Variants in CLASP1 observed in about 807,000 individuals in gnomAD.
The protein encoded by CLASP1 is CLIP-associating protein 1.
CLASP1 carries 38 observed loss-of-function variants against 192.3 expected under a neutral mutation model. The observed-to-expected ratio is 0.20, with a 90% CI of 0.15 to 0.26. CLASP1 has a LOEUF of 0.26. Among genes scored for constraint, CLASP1 ranks in the 10% least tolerant of loss-of-function variants. The pLI is 1.00. For synonymous variants in CLASP1, 691 were observed against 712.8 expected, an observed-to-expected ratio of 0.97 and a Z score of 0.49; for missense variants, 1,433 against 1,932.5, an observed-to-expected ratio of 0.74 and a Z score of 4.85.
chr2:121,594,133 T>C (rs2062808501), intron 2 of CLASP1, among the ~76,000 whole-genome samples: 1 of 151,322 alleles, frequency 6.6e-6, no homozygotes, highest in African/African-American at 2.4e-5. Flanking sequence ...ACCCCGTCTC[T>C]ACTAAAAATA....
At chr2:121,424,306 T>C (rs1159883894) in intron 22 of CLASP1, among the ~76,000 whole-genome samples, 1 of 152,220 alleles carries the variant, frequency 6.6e-6, no homozygotes, top group Non-Finnish European at 1.5e-5. Context: ...TTCTCAGGTC[T>C]AACAAAGTGC....
At chr2:121,544,972 T>C (rs1304902725) in intron 2 of CLASP1, among the ~76,000 whole-genome samples, 2 of 151,236 alleles carry the variant, frequency 1.3e-5, no homozygotes, top group African/African-American at 4.9e-5. Context: ...AGTGTAGTGA[T>C]GGGATCTTGG....
At chr2:121,457,906 C>T (rs2087032841) in intron 13 of CLASP1, 149 bp from the exon 14 acceptor site, 1 of 585,250 alleles carries the variant, frequency 1.7e-6, no homozygotes, top group Non-Finnish European at 3.0e-6. Context: ...AAAGAATTCA[C>T]AGGATATTGT....
At chr2:121,395,533 G>C (rs558272722) in intron 30 of CLASP1, among the ~76,000 whole-genome samples, 1 of 152,252 alleles carries the variant, frequency 6.6e-6, no homozygotes, top group South Asian at 2.1e-4. Context: ...CTCTGCTTCA[G>C]ACATATCAGT....
Position 121,627,041 on chromosome 2 carries a change from C to A in CLASP1, c.-285-20861G>T, listed in dbSNP as rs568778157. Among the ~76,000 whole-genome samples, 973 of 141,882 alleles carry A rather than the reference C, an allele frequency of 6.9e-3. 17 individuals carry two copies. Among genetic ancestry groups the A allele is most frequent in the African/African-American group, 0.028 (941 of 33,536 alleles). 93.1% of individuals were successfully genotyped at this position (141,882 alleles called of 152,430 possible). A position where few individuals can be genotyped will look rare whatever the true frequency, so the allele number is the denominator to read the frequency against. On this transcript the variant is annotated intron_variant, in intron 1 of 39. Coordinates refer to ENST00000263710, the Ensembl canonical transcript of CLASP1. ...AAGCAGCCTTAGGAGAGTAATTCAG[C>A]AACATTTAGTTCAGAGAGTTCAGTA...
intron 2 of CLASP1, among the ~76,000 whole-genome samples, chr2:121,586,858 G>A (rs1167600360): frequency 1.3e-5 from 2 of 152,160 alleles, no homozygotes; most frequent in African/African-American, 4.8e-5. Context: ...CAGCTGCTCT[G>A]AGCATACTTT....
rs117910723 is a variant in CLASP1 at position 121,345,847 on chromosome 2, G to A, written c.4530+1191C>T. On this transcript the variant is annotated intron_variant, in intron 39 of 39. Coordinates refer to ENST00000263710, the Ensembl canonical transcript of CLASP1. ...GCATCTGGCCAGGTGTGAGACAGCA[G>A]TGATGGGTGCTATTGGCACATGTCG... is the stretch of plus-strand genomic sequence containing the variant. 2.2e-4 allele frequency among the ~76,000 whole-genome samples: 33 copies of A among 152,358 alleles called. No individual in the cohort carries two copies. The East Asian group carries it at 6.2e-3, about 29-fold the overall frequency.
intron 33 of CLASP1, among the ~76,000 whole-genome samples, chr2:121,379,780 C>A (rs1382678302): frequency 6.6e-6 from 1 of 152,140 alleles, no homozygotes. Flanking sequence ...TCAGATAATT[C>A]ATCTCATTAT....
At chr2:121,366,412 A>C (rs1241048690) in intron 35 of CLASP1, among the ~76,000 whole-genome samples, 1 of 152,198 alleles carries the variant, frequency 6.6e-6, no homozygotes, top group Non-Finnish European at 1.5e-5. Flanking sequence ...TAATCCCTAC[A>C]GCCATTTCTG....
At chr2:121,530,959 C>A (rs753681380) in intron 2 of CLASP1, 5 of 700,298 alleles carry the variant, frequency 7.1e-6, no homozygotes, top group Non-Finnish European at 1.3e-5. Context: ...GAACAACACA[C>A]CCGCATCAAC....
At chr2:121,373,258 A>C in intron 34 of CLASP1, among the ~76,000 whole-genome samples, 1 of 152,278 alleles carries the variant, frequency 6.6e-6, no homozygotes, top group East Asian at 1.9e-4. Context: ...GTGAAGACAT[A>C]CTTGCTTCCC....
chr2:121,547,993 C>T (rs1166961409), intron 2 of CLASP1, among the ~76,000 whole-genome samples: 2 of 152,198 alleles, frequency 1.3e-5, no homozygotes, highest in Admixed American at 1.3e-4. Context: ...AAAACCAATG[C>T]AAGAACTCCA....
At chr2:121,518,785 C>G (rs2094389126) in intron 6 of CLASP1, among the ~76,000 whole-genome samples, 1 of 151,808 alleles carries the variant, frequency 6.6e-6, no homozygotes, top group South Asian at 2.1e-4. Flanking sequence ...CACTGAGGCA[C>G]AAGAATCGCT....
In CLASP1 at chr2:121,458,843, A is replaced by G. The variant is rs2304560; in HGVS notation, c.1311T>C (p.Ile437=). Reference sequence around the variant, plus strand: ...GCATGGCCTATAACATACTTACCCGAATAATTAACCTAACAGCTACAACAC... The same window carrying G: ...GCATGGCCTATAACATACTTACCCGGATAATTAACCTAACAGCTACAACAC... The change falls in exon 13 of 40, where the codon ATT becomes ATC. Residue 437 remains isoleucine (I), a synonymous_variant. Transcript: ENST00000263710. The G allele has an allele frequency of 0.1, 163,123 of 1,603,782 alleles. 15,925 individuals are homozygous for G. Among genetic ancestry groups the G allele is most frequent in the African/African-American group, 0.51 (37,713 of 74,316 alleles).
At chr2:121,623,638 C>T (rs2067781968) in intron 1 of CLASP1, among the ~76,000 whole-genome samples, 1 of 152,162 alleles carries the variant, frequency 6.6e-6, no homozygotes, top group Admixed American at 6.5e-5. Context: ...GGTAGAATCA[C>T]AAAATGCAAA....
At chr2:121,590,813 A>G (rs1366291032) in intron 2 of CLASP1, among the ~76,000 whole-genome samples, 1 of 152,200 alleles carries the variant, frequency 6.6e-6, no homozygotes, top group Non-Finnish European at 1.5e-5. Context: ...TAAGAAGTCA[A>G]AGACAAAAAT....
intron 8 of CLASP1, among the ~76,000 whole-genome samples, chr2:121,499,449 C>T (rs749967261): frequency 2.0e-5 from 3 of 149,754 alleles, no homozygotes; most frequent in African/African-American, 7.4e-5. Context: ...GGGAATGGGA[C>T]GTGAGGGTGA....
chr2:121,642,700 C>T (rs1268273728), intron 1 of CLASP1, among the ~76,000 whole-genome samples: 1 of 152,104 alleles, frequency 6.6e-6, no homozygotes, highest in Non-Finnish European at 1.5e-5. Context: ...CCACTTCACT[C>T]CAGCCTGGGC....
At chr2:121,608,789 C>G (rs1056644787) in intron 1 of CLASP1, among the ~76,000 whole-genome samples, 3 of 152,134 alleles carry the variant, frequency 2.0e-5, no homozygotes, top group Admixed American at 1.3e-4. Flanking sequence ...AAACAACTAT[C>G]ATTCATTTTC....
Sources: allele counts gnomAD v4.1 joint callset (sites outside exome capture counted in the v4.1 genomes callset), GRCh38; gene constraint gnomAD v4.1.1; transcripts MANE v1.5; gene names NCBI Gene and HGNC (gene_info 2026-07-23, HGNC 2026-07-21).